ZNF596: variants seen among roughly 807,000 people sequenced by gnomAD.
The protein encoded by ZNF596 is zinc finger protein 596.
Under a neutral mutation model 48.3 loss-of-function variants are expected in ZNF596, and 45 were observed. That is an observed-to-expected ratio of 0.93 (90% CI 0.73 to 1.19). The LOEUF (loss-of-function observed/expected upper bound fraction) is 1.19. Ranked by LOEUF, ZNF596 falls within the 50% of genes most tolerant of loss-of-function variation. The pLI is 0.00. For synonymous variants in ZNF596, 270 were observed against 202.0 expected, an observed-to-expected ratio of 1.34 and a Z score of -2.85; for missense variants, 848 against 599.7, an observed-to-expected ratio of 1.41 and a Z score of -4.32.
Position 246,320 on chromosome 8 carries a change from A to G in ZNF596, c.1473A>G (p.Arg491=). ...GKAFSKFFNL[R]QHERTHTKKA... is the part of the protein sequence containing the mutation. ...CCTTTAGTAAATTTTTTAACCTTAG[A>G]CAACATGAGAGAACTCACACTAAAA... The change falls in exon 6 of 6, where the codon AGA becomes AGG. Residue 491 remains arginine (R), a synonymous_variant. Coordinates refer to ENST00000398612, the MANE Select transcript of ZNF596 (RefSeq NM_001042416.3). 1.2e-6 allele frequency: 2 copies of G among 1,602,318 alleles called. No individual in the cohort carries two copies. The highest frequency in any genetic ancestry group is 1.7e-6 in the Non-Finnish European group (2 of 1,176,372).
At chr8:242,464 A>G (rs1276404814) in intron 2 of ZNF596, among the ~76,000 whole-genome samples, 1 of 147,876 alleles carries the variant, frequency 6.8e-6, no homozygotes. Context: ...CTGAGGTCCT[A>G]TAGTGGAATA....
At chr8:240,575 C>T in intron 1 of ZNF596, 1 of 318,940 alleles carries the variant, frequency 3.1e-6, no homozygotes, top group Middle Eastern at 9.1e-4. Flanking sequence ...TTCAGAATTC[C>T]ATGCGCTAGG....
chr8:242,678 T>C (rs1796902486), intron 2 of ZNF596, among the ~76,000 whole-genome samples: 1 of 152,236 alleles, frequency 6.6e-6, no homozygotes, highest in Non-Finnish European at 1.5e-5. Flanking sequence ...CCACATGTGA[T>C]ATTTCTCTAT....
intron 3 of ZNF596, 93 bp from the exon 4 acceptor site, chr8:243,629 C>T: frequency 1.6e-6 from 2 of 1,274,404 alleles, no homozygotes; most frequent in Admixed American, 1.8e-5. Context: ...CAGTGGCTAA[C>T]TTATCCTTCC....
At chr8:242,333 C>A (rs1335566990) in intron 2 of ZNF596, among the ~76,000 whole-genome samples, 1 of 147,308 alleles carries the variant, frequency 6.8e-6, no homozygotes. Context: ...TGTTCTCAGT[C>A]ATTTCATGAA....
chr8:246,379 C>G lies in ZNF596; in HGVS notation c.*17C>G. The G allele has an allele frequency of 6.4e-7, 1 of 1,555,074 alleles. No individual in the cohort carries two copies. Among genetic ancestry groups the G allele is most frequent in the Non-Finnish European group, 8.6e-7 (1 of 1,157,248 alleles). The stretch of plus-strand genomic sequence containing the variant: ...AATATGTAAGAATCATCAGCTGTAG[C>G]GTTAACACTAAATACACCAAGGACA... On this transcript the variant is annotated 3_prime_UTR_variant, in exon 6 of 6. Coordinates refer to ENST00000398612, the MANE Select transcript of ZNF596 (RefSeq NM_001042416.3).
At chr8:242,471 A>T (rs779794143) in intron 2 of ZNF596, among the ~76,000 whole-genome samples, 3 of 148,380 alleles carry the variant, frequency 2.0e-5, no homozygotes, top group Non-Finnish European at 2.9e-5. Context: ...CCTATAGTGG[A>T]ATATCTAACT....
In ZNF596 at chr8:245,430, T is replaced by C; in HGVS notation, c.583T>C (p.Leu195=). Reference sequence around the variant, plus strand: ...TGTGACTCACACTAGAGAGATAACATTGGAATGTCGTGTGTGTGGGAAAAC... The same window carrying C: ...TGTGACTCACACTAGAGAGATAACACTGGAATGTCGTGTGTGTGGGAAAAC... ...HSVTHTREIT[L]ECRVCGKTFS... The change falls in exon 6 of 6, where the codon TTG becomes CTG. Residue 195 remains leucine (L), a synonymous_variant. Transcript: ENST00000398612. 2 of 1,614,158 alleles carry C rather than the reference T, an allele frequency of 1.2e-6. No individual in the cohort carries two copies. Among genetic ancestry groups the C allele is most frequent in the Non-Finnish European group, 1.7e-6 (2 of 1,180,014 alleles).
chr8:242,830 C>T (rs577377906), intron 2 of ZNF596, 57 bp from the exon 3 acceptor site: 72 of 1,406,088 alleles, frequency 5.1e-5, no homozygotes, highest in Non-Finnish European at 6.2e-5. Context: ...TGATCTTGCT[C>T]CACTGAACAT....
At chr8:241,823 T>A (rs1267228115) in intron 2 of ZNF596, among the ~76,000 whole-genome samples, 1 of 152,132 alleles carries the variant, frequency 6.6e-6, no homozygotes, top group Non-Finnish European at 1.5e-5. Flanking sequence ...TTCTGCAGGC[T>A]TAACAGGAAG....
chr8:240,980 A>T, intron 2 of ZNF596, 73 bp downstream of exon 2: 2 of 1,551,416 alleles, frequency 1.3e-6, no homozygotes, highest in Admixed American at 3.3e-5. Flanking sequence ...TCATCCTATT[A>T]ACATGGATGT....
intron 1 of ZNF596, 163 bp downstream of exon 1, chr8:232,857 T>A (rs1584896050): frequency 2.2e-6 from 1 of 453,670 alleles, no homozygotes; most frequent in Non-Finnish European, 4.6e-6. Context: ...CGCTTCGGGG[T>A]GGCCGCCTCA....
At chr8:242,398 C>G (rs570537821) in intron 2 of ZNF596, among the ~76,000 whole-genome samples, 1 of 152,312 alleles carries the variant, frequency 6.6e-6, no homozygotes, top group Non-Finnish European at 1.5e-5. Context: ...ACTTTACATA[C>G]TATCTCATTG....
At position 245,399 on chromosome 8, in the gene ZNF596, A is replaced by G. The variant is rs768360690; in HGVS notation, c.552A>G (p.Pro184=). The G allele has an allele frequency of 6.2e-7, 1 of 1,614,192 alleles. No homozygotes were observed. The highest frequency in any genetic ancestry group is 8.5e-7 in the Non-Finnish European group (1 of 1,180,024). The change falls in exon 6 of 6, where the codon CCA becomes CCG. Residue 184 remains proline (P), a synonymous_variant. Coordinates refer to ENST00000398612, the MANE Select transcript of ZNF596 (RefSeq NM_001042416.3). ...TTATCCAAAACTCTGCCCTTAGACC[A>G]CACAGTGTGACTCACACTAGAGAGA... ...YAFIQNSALR[P]HSVTHTREIT... is the part of the protein sequence containing the mutation.
At chr8:240,765 T>C in intron 1 of ZNF596, 59 bp from the exon 2 acceptor site, 3 of 1,134,446 alleles carry the variant, frequency 2.6e-6, no homozygotes, top group Non-Finnish European at 4.0e-6. Context: ...TTGGGGCAGA[T>C]GTTAGAAGCA....
chr8:243,623 G>A, intron 3 of ZNF596, 99 bp from the exon 4 acceptor site: 1 of 1,145,604 alleles, frequency 8.7e-7, no homozygotes, highest in Non-Finnish European at 1.3e-6. Context: ...GACCTTCAGT[G>A]GCTAACTTAT....
intron 4 of ZNF596, 71 bp from the exon 5 acceptor site, chr8:244,548 G>A (rs1340201235): frequency 2.0e-6 from 2 of 1,011,710 alleles, no homozygotes; most frequent in Admixed American, 1.9e-5. Flanking sequence ...ACTCAAATGG[G>A]CTTTGGAGCT....
Position 246,484 on chromosome 8 carries a change from G to A in ZNF596, c.*122G>A. The A allele has an allele frequency of 7.9e-7, 1 of 1,273,150 alleles. No homozygotes were observed. Among genetic ancestry groups the A allele is most frequent in the Non-Finnish European group, 1.1e-6 (1 of 936,308 alleles). 78.9% of individuals were successfully genotyped at this position (1,273,150 alleles called of 1,614,324 possible). On this transcript the variant is annotated 3_prime_UTR_variant, in exon 6 of 6. Coordinates refer to ENST00000398612, the MANE Select transcript of ZNF596 (RefSeq NM_001042416.3). ...ATTTACCACTTTGCTCAACCTAAAT[G>A]AATTCAAGGTAGAGAGAATCCAGAT...
intron 4 of ZNF596, chr8:244,361 T>C (rs1170235104): frequency 2.2e-6 from 1 of 449,498 alleles, no homozygotes; most frequent in Non-Finnish European, 3.9e-6. Flanking sequence ...TGAGTTAAAC[T>C]ATTACATACT....
Sources: allele counts gnomAD v4.1 joint callset (sites outside exome capture counted in the v4.1 genomes callset), GRCh38; gene constraint gnomAD v4.1.1; transcripts MANE v1.5; gene names NCBI Gene and HGNC (gene_info 2026-07-23, HGNC 2026-07-21).